MINDY4: variants seen among roughly 807,000 people sequenced by gnomAD.
MINDY4 encodes MINDY lysine 48 deubiquitinase 4.
In MINDY4, 68 loss-of-function variants were observed where a neutral mutation model predicts 87.0. That is an observed-to-expected ratio of 0.78 (90% confidence interval 0.64 to 0.96). MINDY4 has a LOEUF of 0.96. MINDY4 is among the 40% of genes least tolerant of loss of function. The pLI, the probability that MINDY4 is intolerant of heterozygous loss-of-function variation, is 0.00. For synonymous variants in MINDY4, 379 were observed against 363.2 expected (o/e 1.04, Z -0.50); for missense variants, 919 against 928.2 (o/e 0.99, Z 0.13).
chr7:30,772,978 C>T (rs1279007407), intron 1 of MINDY4, among the ~76,000 whole-genome samples: 1 of 152,126 alleles, frequency 6.6e-6, no homozygotes, highest in East Asian at 1.9e-4. Flanking sequence ...CTCCCACATC[C>T]CTCCCCACCA....
chr7:30,796,113 G>A (rs1483066967), intron 5 of MINDY4, among the ~76,000 whole-genome samples: 1 of 115,158 alleles, frequency 8.7e-6, no homozygotes, highest in Non-Finnish European at 1.7e-5. Flanking sequence ...GTTTGTTGGA[G>A]CACTGTACTT....
At chr7:30,848,236 T>G (rs1457033900) in intron 9 of MINDY4, among the ~76,000 whole-genome samples, 1 of 152,206 alleles carries the variant, frequency 6.6e-6, no homozygotes, top group African/African-American at 2.4e-5. Context: ...TGGGGAACAC[T>G]GGTCACACCT....
rs112972380 is a variant in MINDY4, at chr7:30,785,810, A to C, written c.481A>C (p.Lys161Gln). Residue 161 changes from lysine to glutamine, a missense_variant, in exon 4 of 18, where the codon AAA becomes CAA. Physicochemically the swap from Lys to Gln is moderately conservative, Grantham distance 53. Transcript: ENST00000265299. ...TGTATCATCTAAAAGGCCCCCGCACAAAAGTAAGCCCATGCAGACGGTCCC... is the reference window on the plus strand; with the variant it reads ...TGTATCATCTAAAAGGCCCCCGCACCAAAGTAAGCCCATGCAGACGGTCCC... ...NFVSSKRPPH[K>Q]SKPMQTVPGE... The C allele has an allele frequency of 1.9e-6, 3 of 1,614,240 alleles. No homozygotes were observed. Among genetic ancestry groups the C allele is most frequent in the African/African-American group, 1.3e-5 (1 of 75,058 alleles).
At chr7:30,776,999 T>C (rs1383334747) in intron 1 of MINDY4, among the ~76,000 whole-genome samples, 1 of 150,590 alleles carries the variant, frequency 6.6e-6, no homozygotes, top group Non-Finnish European at 1.5e-5. Context: ...TTCTTCTTTC[T>C]TTCTTTTTCT....
chr7:30,886,384 T>C (rs1451472650), intron 17 of MINDY4, among the ~76,000 whole-genome samples: 1 of 152,198 alleles, frequency 6.6e-6, no homozygotes. Context: ...CAGGGAAAGA[T>C]GCACCACCCA....
intron 3 of MINDY4, among the ~76,000 whole-genome samples, chr7:30,782,811 G>A (rs766010866): frequency 6.6e-6 from 1 of 152,184 alleles, no homozygotes; most frequent in Non-Finnish European, 1.5e-5. Context: ...ACTCAGACAG[G>A]ATTTTTATGT....
chr7:30,777,010 TTTTC>T (rs1562527384), intron 1 of MINDY4, among the ~76,000 whole-genome samples: 1 of 144,870 alleles, frequency 6.9e-6, no homozygotes, highest in East Asian at 2.1e-4. Context: ...TTCTTTTTCT[TTTTC>T]TTTTTTTTTT....
intron 13 of MINDY4, among the ~76,000 whole-genome samples, chr7:30,859,635 G>A (rs2128573954): frequency 6.6e-6 from 1 of 152,322 alleles, no homozygotes; most frequent in African/African-American, 2.4e-5. Context: ...GATGCCCCTG[G>A]CACTTGTGCA....
chr7:30,887,048 G>A (rs1209090973), intron 17 of MINDY4, among the ~76,000 whole-genome samples: 4 of 152,296 alleles, frequency 2.6e-5, no homozygotes, highest in Middle Eastern at 3.4e-3. Context: ...GTTTCTGTTC[G>A]GAGGTGCAGA....
At chr7:30,882,139 C>T in intron 15 of MINDY4, 42 bp from the exon 16 acceptor site, 1 of 1,555,076 alleles carries the variant, frequency 6.4e-7, no homozygotes, top group South Asian at 1.2e-5. Flanking sequence ...GGACCCCTTT[C>T]CCTGGGGACG....
chr7:30,781,652 T>G (rs1787010767), intron 2 of MINDY4: 1 of 256,108 alleles, frequency 3.9e-6, no homozygotes, highest in Admixed American at 5.0e-5. Flanking sequence ...TTTATAAAGT[T>G]ATTCCTTGGA....
intron 9 of MINDY4, 48 bp from the exon 10 acceptor site, chr7:30,850,406 A>G: frequency 6.5e-7 from 1 of 1,532,492 alleles, no homozygotes; most frequent in Non-Finnish European, 8.9e-7. Context: ...GCACCATCTC[A>G]ACCTTGTGTC....
intron 3 of MINDY4, among the ~76,000 whole-genome samples, chr7:30,784,988 C>T (rs961180398): frequency 3.9e-5 from 6 of 152,162 alleles, no homozygotes; most frequent in Non-Finnish European, 5.9e-5. Flanking sequence ...GGTAAGATTC[C>T]CCTTTGCCTA....
chr7:30,811,093 T>C (rs1787983063), intron 5 of MINDY4, among the ~76,000 whole-genome samples: 1 of 151,918 alleles, frequency 6.6e-6, no homozygotes, highest in African/African-American at 2.4e-5. Flanking sequence ...AAAAGAAACT[T>C]GAGCCAGCCT....
intron 13 of MINDY4, among the ~76,000 whole-genome samples, chr7:30,862,887 AT>A (rs142347783): frequency 6.6e-6 from 1 of 151,904 alleles, no homozygotes; most frequent in Non-Finnish European, 1.5e-5. Flanking sequence ...ACAAAATCTG[AT>A]TTTTTTTACC....
intron 5 of MINDY4, among the ~76,000 whole-genome samples, chr7:30,795,145 G>C (rs10282606): frequency 0.5 from 76,437 of 151,908 alleles, 19,835 homozygotes; most frequent in African/African-American, 0.57. Flanking sequence ...GCCCCTCAGA[G>C]TGAGTTTCTG....
At chr7:30,835,958 G>A (rs1442479785) in intron 6 of MINDY4, among the ~76,000 whole-genome samples, 1 of 152,138 alleles carries the variant, frequency 6.6e-6, no homozygotes, top group South Asian at 2.1e-4. Flanking sequence ...TATGGCTTAC[G>A]GTCCCTGCTG....
chr7:30,777,854 C>T (rs1786874770), intron 1 of MINDY4, among the ~76,000 whole-genome samples: 1 of 152,226 alleles, frequency 6.6e-6, no homozygotes, highest in South Asian at 2.1e-4. Context: ...CCCAGATTTT[C>T]CATTGCTAGA....
intron 4 of MINDY4, among the ~76,000 whole-genome samples, chr7:30,787,860 T>G (rs370181920): frequency 2.8e-4 from 43 of 152,312 alleles, no homozygotes; most frequent in African/African-American, 9.6e-4. Flanking sequence ...TATTGTGGAG[T>G]GCAAAGAGCT....
Sources: gnomAD v4.1 joint callset for allele counts (sites outside exome capture counted in the v4.1 genomes callset) on GRCh38, gnomAD v4.1.1 for gene constraint, MANE v1.5 for transcripts, NCBI Gene and HGNC (gene_info 2026-07-23, HGNC 2026-07-21) for gene names.